The following PDE1C variants were observed in gnomAD, a reference collection of about 807,000 sequenced individuals.
The protein encoded by PDE1C is phosphodiesterase 1C.
Under a neutral mutation model 93.1 loss-of-function variants are expected in PDE1C, and 62 were observed. That is an observed-to-expected ratio of 0.67 (90% CI 0.54 to 0.82). The LOEUF is 0.82. PDE1C is among the 40% of genes least tolerant of loss of function. The pLI, the probability that PDE1C is intolerant of heterozygous loss-of-function variation, is 0.00. For synonymous variants in PDE1C, 325 were observed against 310.1 expected (o/e 1.05, Z -0.50); for missense variants, 742 against 884.6 (o/e 0.84, Z 2.04).
the PDE1C span, among the ~76,000 whole-genome samples, chr7:31,709,358 G>A: frequency 6.6e-6 from 1 of 152,174 alleles, no homozygotes; most frequent in East Asian, 1.9e-4. Flanking sequence ...ACTTTGCCTT[G>A]TTCATAATTT....
chr7:31,650,231 A>G, the PDE1C span, among the ~76,000 whole-genome samples: 1 of 152,198 alleles, frequency 6.6e-6, no homozygotes, highest in Non-Finnish European at 1.5e-5. Context: ...GAAAGGGCCT[A>G]TGTCAGGTGT....
the PDE1C span, chr7:31,651,319 A>G: frequency 8.2e-6 from 13 of 1,592,070 alleles, 2 homozygotes; most frequent in South Asian, 1.5e-4. Flanking sequence ...ACACACCTGG[A>G]GCAAGGAAGA....
chr7:31,744,307 G>A, the PDE1C span, among the ~76,000 whole-genome samples: 1 of 151,936 alleles, frequency 6.6e-6, no homozygotes, highest in East Asian at 1.9e-4. Context: ...GAGTTTTCAA[G>A]AAGCTAATCC....
chr7:31,910,029 T>C (rs1000232693), intron 2 of PDE1C, among the ~76,000 whole-genome samples: 4 of 152,188 alleles, frequency 2.6e-5, no homozygotes, highest in Non-Finnish European at 4.4e-5. Flanking sequence ...AAATGCCTCC[T>C]GGGAGGTCAA....
intron 3 of PDE1C, among the ~76,000 whole-genome samples, chr7:32,103,926 A>G (rs1798163058): frequency 6.6e-6 from 1 of 152,184 alleles, no homozygotes; most frequent in South Asian, 2.1e-4. Flanking sequence ...ACATTAGAAG[A>G]AATAAAAAGA....
chr7:32,308,230 C>A (rs567222079), intron 1 of PDE1C, among the ~76,000 whole-genome samples: 1 of 152,316 alleles, frequency 6.6e-6, no homozygotes, highest in Non-Finnish European at 1.5e-5. Flanking sequence ...ACAAAGCAGC[C>A]GGGAAGCTCA....
chr7:31,824,792 A>T (rs1315950825), intron 13 of PDE1C, 75 bp downstream of exon 13: 17 of 1,570,118 alleles, frequency 1.1e-5, no homozygotes, highest in Non-Finnish European at 1.5e-5. Flanking sequence ...TACCATCCCC[A>T]TCCCCAGCAA....
chr7:31,755,027 A>T (rs1445254316), intron 17 of PDE1C, among the ~76,000 whole-genome samples: 11 of 152,220 alleles, frequency 7.2e-5, no homozygotes, highest in Non-Finnish European at 1.3e-4. Context: ...GTAACCTTGT[A>T]TATGAACAGA....
At chr7:32,402,346 G>A (rs1562708575) in intron 1 of PDE1C, among the ~76,000 whole-genome samples, 1 of 152,140 alleles carries the variant, frequency 6.6e-6, no homozygotes, top group Non-Finnish European at 1.5e-5. Context: ...AAGAAAGCCA[G>A]TGGGGTAGTT....
chr7:32,252,052 G>C (rs978494982), intron 1 of PDE1C, among the ~76,000 whole-genome samples: 4 of 152,212 alleles, frequency 2.6e-5, no homozygotes, highest in African/African-American at 9.7e-5. Context: ...AGGATACTTA[G>C]TGGTTATGAA....
chr7:31,745,022 A>G, the PDE1C span, among the ~76,000 whole-genome samples: 2 of 152,162 alleles, frequency 1.3e-5, no homozygotes, highest in African/African-American at 4.8e-5. Flanking sequence ...TTAAACATAA[A>G]TTTATTTATC....
At chr7:32,341,173 C>CTTTTTTT (rs3079623) in intron 1 of PDE1C, among the ~76,000 whole-genome samples, 1,957 of 84,842 alleles carry the variant, frequency 0.023, 152 homozygotes, top group Middle Eastern at 0.048. Flanking sequence ...GAAATAAAGT[C>CTTTTTTT]TTTTTTTTTT....
chr7:31,692,813 G>T, the PDE1C span, among the ~76,000 whole-genome samples: 1 of 152,206 alleles, frequency 6.6e-6, no homozygotes, highest in Non-Finnish European at 1.5e-5. Flanking sequence ...CCCAGGCAGA[G>T]CATTTTTGAG....
intron 1 of PDE1C, among the ~76,000 whole-genome samples, chr7:32,327,162 C>G (rs1275473780): frequency 1.3e-5 from 2 of 152,200 alleles, no homozygotes; most frequent in Admixed American, 1.3e-4. Context: ...CTGACTGCCT[C>G]GACTGCTATT....
the PDE1C span, among the ~76,000 whole-genome samples, chr7:31,693,108 T>C: frequency 3.3e-5 from 5 of 152,212 alleles, no homozygotes; most frequent in Admixed American, 2.6e-4. Flanking sequence ...TCATAGCCTT[T>C]GTCTATGCCT....
intron 2 of PDE1C, among the ~76,000 whole-genome samples, chr7:31,994,996 A>T (rs1389839716): frequency 2.0e-5 from 3 of 152,168 alleles, no homozygotes; most frequent in East Asian, 1.9e-4. Flanking sequence ...AAAAAAACCC[A>T]TGTGGTCAGG....
At chr7:31,676,973 A>T in the PDE1C span, among the ~76,000 whole-genome samples, 1 of 152,248 alleles carries the variant, frequency 6.6e-6, no homozygotes, top group Non-Finnish European at 1.5e-5. Context: ...ACTCTGCAGC[A>T]ATCAAGAATG....
rs113266622 is a variant in PDE1C, at chr7:32,025,910, C to A, written c.128+25644G>T. 7.3e-3 allele frequency among the ~76,000 whole-genome samples: 1,119 copies of A among 152,248 alleles called. 18 individuals are homozygous for A. Among genetic ancestry groups the A allele is most frequent in the African/African-American group, 0.025 (1,056 of 41,554 alleles). ...TGTGCCTTTTCAGGCCAACCACGTG[C>A]TGGCAGCGTCTGTTCCTTGTAAGAC... On this transcript the variant is annotated intron_variant, in intron 2 of 17. Transcript: ENST00000396191.
At chr7:31,842,166 A>T (rs141203684) in intron 9 of PDE1C, among the ~76,000 whole-genome samples, 107 of 152,248 alleles carry the variant, frequency 7.0e-4, no homozygotes, top group African/African-American at 2.6e-3. Flanking sequence ...CACACATGAT[A>T]TATTACCTTT....
Sources: allele counts gnomAD v4.1 joint callset (sites outside exome capture counted in the v4.1 genomes callset), GRCh38; gene constraint gnomAD v4.1.1; transcripts MANE v1.5; gene names NCBI Gene and HGNC (gene_info 2026-07-23, HGNC 2026-07-21).